The following ZCCHC4 variants were observed in gnomAD, a reference collection of about 807,000 sequenced individuals.
ZCCHC4 encodes the protein rRNA N(6)-adenosine-methyltransferase ZCCHC4.
ZCCHC4 carries 54 observed loss-of-function variants against 67.7 expected under a neutral mutation model. That is an observed-to-expected ratio of 0.80 (90% confidence interval 0.64 to 1.00). The LOEUF (loss-of-function observed/expected upper bound fraction) is 1.00. ZCCHC4 is among the 50% of genes least tolerant of loss of function. The pLI is 0.00. For synonymous variants in ZCCHC4, 198 were observed against 213.5 expected, an observed-to-expected ratio of 0.93 and a Z score of 0.63; for missense variants, 609 against 617.0, an observed-to-expected ratio of 0.99 and a Z score of 0.14.
chr4:25,331,090 T>G (rs1719159289), intron 3 of ZCCHC4, among the ~76,000 whole-genome samples: 1 of 152,200 alleles, frequency 6.6e-6, no homozygotes, highest in Admixed American at 6.5e-5. Flanking sequence ...GTTTCGGTTC[T>G]CCATCCCTGT....
At chr4:25,347,023 G>A (rs1720056720) in intron 6 of ZCCHC4, among the ~76,000 whole-genome samples, 1 of 152,176 alleles carries the variant, frequency 6.6e-6, no homozygotes, top group South Asian at 2.1e-4. Flanking sequence ...GGGAAGTGAA[G>A]TTTGGAAAGG....
chr4:25,333,236 G>A lies in ZCCHC4; in HGVS notation c.383G>A (p.Cys128Tyr). ...ACTCAGAGAAAGTTTTGTCAAACAT[G>A]TCAGCAGTTGTTGTTACCAGATGAC... ...PLTQRKFCQT[C>Y]QQLLLPDDWG... Residue 128 changes from cysteine to tyrosine, a missense_variant, in exon 4 of 13, where the codon TGT becomes TAT. Coordinates refer to ENST00000302874, the MANE Select transcript of ZCCHC4 (RefSeq NM_024936.3). 1 of 1,614,148 alleles carries A rather than the reference G, an allele frequency of 6.2e-7. No individual in the cohort carries two copies. Among genetic ancestry groups the A allele is most frequent in the Non-Finnish European group, 8.5e-7 (1 of 1,180,018 alleles).
chr4:25,320,429 A>G (rs1264348280), intron 3 of ZCCHC4, among the ~76,000 whole-genome samples: 3 of 152,240 alleles, frequency 2.0e-5, no homozygotes, highest in Non-Finnish European at 4.4e-5. Flanking sequence ...TGCCATAAAC[A>G]TAATTTGTGT....
chr4:25,350,393 T>C (rs1291224277), intron 7 of ZCCHC4, among the ~76,000 whole-genome samples: 2 of 151,394 alleles, frequency 1.3e-5, no homozygotes, highest in Non-Finnish European at 2.9e-5. Flanking sequence ...CCTGAGTAGC[T>C]GGGACTACAA....
chr4:25,315,495 A>G, intron 3 of ZCCHC4, 95 bp downstream of exon 3: 1 of 933,248 alleles, frequency 1.1e-6, no homozygotes, highest in Non-Finnish European at 1.6e-6. Flanking sequence ...TCATTTATTT[A>G]TTTTTATTGT....
At chr4:25,320,364 A>AT (rs1019119895) in intron 3 of ZCCHC4, among the ~76,000 whole-genome samples, 6 of 151,828 alleles carry the variant, frequency 4.0e-5, no homozygotes, top group Admixed American at 6.6e-5. Context: ...TCATTTGGTT[A>AT]TTTTTTTTCA....
rs754897774 is a variant in ZCCHC4, at chr4:25,365,081, C to G, written c.1321C>G (p.Pro441Ala). 30 of 1,614,030 alleles carry G rather than the reference C, an allele frequency of 1.9e-5. No homozygotes were observed. Among genetic ancestry groups the G allele is most frequent in the Non-Finnish European group, 2.5e-5 (29 of 1,180,022 alleles). The change falls in exon 12 of 13, where the codon CCC becomes GCC. Residue 441 changes from proline to alanine, a missense_variant. By Grantham distance (27) the Pro-to-Ala change is conservative (BLOSUM62 -1). Coordinates refer to ENST00000302874, the MANE Select transcript of ZCCHC4 (RefSeq NM_024936.3). ...CAVPDHSCEGPKHGCFICGEL... is the reference protein window; with the variant it reads ...CAVPDHSCEGAKHGCFICGEL... The stretch of plus-strand genomic sequence containing the variant: ...TGTTCCAGATCATTCTTGTGAGGGC[C>G]CCAAACATGGCTGCTTTATTTGTGG...
At chr4:25,343,490 C>T (rs1365184711) in intron 5 of ZCCHC4, among the ~76,000 whole-genome samples, 1 of 152,194 alleles carries the variant, frequency 6.6e-6, no homozygotes, top group Non-Finnish European at 1.5e-5. Context: ...AGTAACAGTA[C>T]TTAACATTTT....
chr4:25,319,678 G>C (rs938670416), intron 3 of ZCCHC4, among the ~76,000 whole-genome samples: 3 of 151,946 alleles, frequency 2.0e-5, no homozygotes, highest in Admixed American at 6.6e-5. Flanking sequence ...AAAATCAAAG[G>C]CATAATAAAT....
At chr4:25,358,861 A>T (rs1720615517) in intron 8 of ZCCHC4, among the ~76,000 whole-genome samples, 1 of 152,234 alleles carries the variant, frequency 6.6e-6, no homozygotes, top group Non-Finnish European at 1.5e-5. Flanking sequence ...AGGTTGGCTC[A>T]TGCCCGGGCT....
chr4:25,324,014 G>GTGTTTTTTTTTTTTT (rs1553895905), intron 3 of ZCCHC4, among the ~76,000 whole-genome samples: 1 of 82,446 alleles, frequency 1.2e-5, no homozygotes, highest in Non-Finnish European at 2.1e-5. Context: ...TGTTTTTTGT[G>GTGTTTTTTTTTTTTT]TTTTTTTTTT....
In ZCCHC4 at chr4:25,369,694, A is replaced by C. The variant is rs549579235; in HGVS notation, c.*530A>C. 1 of 153,060 alleles carries C rather than the reference A, an allele frequency of 6.5e-6. No individual in the cohort carries two copies. The highest frequency in any genetic ancestry group is 1.5e-5 in the Non-Finnish European group (1 of 68,726). The allele number at this position is 153,060 out of a possible 1,614,324, so 9.5% of individuals were successfully genotyped here. A position where few individuals can be genotyped will look rare whatever the true frequency, so the allele number is the denominator to read the frequency against. ...AGTGATTTGCCTGCCTTGGCCTCCCAAAGTGCTGGGATTACAGGCATGAGC... is the reference window on the plus strand; with the variant it reads ...AGTGATTTGCCTGCCTTGGCCTCCCCAAGTGCTGGGATTACAGGCATGAGC... On this transcript the variant is annotated 3_prime_UTR_variant, in exon 13 of 13. Coordinates refer to ENST00000302874, the MANE Select transcript of ZCCHC4 (RefSeq NM_024936.3).
At chr4:25,325,168 C>T (rs1718801695) in intron 3 of ZCCHC4, among the ~76,000 whole-genome samples, 2 of 111,856 alleles carry the variant, frequency 1.8e-5, no homozygotes, top group South Asian at 2.7e-4. Context: ...GCGTGAATCC[C>T]GGGAGGCGGA....
chr4:25,338,282 C>T (rs775128358), intron 5 of ZCCHC4, among the ~76,000 whole-genome samples: 9 of 152,126 alleles, frequency 5.9e-5, no homozygotes, highest in African/African-American at 2.2e-4. Context: ...CTTGTAGAGA[C>T]GGGGTTTCAC....
At chr4:25,332,624 T>G (rs1719243049) in intron 3 of ZCCHC4, among the ~76,000 whole-genome samples, 1 of 152,216 alleles carries the variant, frequency 6.6e-6, no homozygotes, top group African/African-American at 2.4e-5. Context: ...CAGTGTAGTC[T>G]TTTTTAAGGC....
chr4:25,328,004 T>G (rs556982266), intron 3 of ZCCHC4, among the ~76,000 whole-genome samples: 2 of 152,338 alleles, frequency 1.3e-5, no homozygotes, highest in South Asian at 4.1e-4. Context: ...TTGTTAATAA[T>G]TTTTGAGTTT....
intron 3 of ZCCHC4, among the ~76,000 whole-genome samples, chr4:25,328,272 C>G (rs1221204574): frequency 2.0e-5 from 3 of 152,110 alleles, no homozygotes; most frequent in Admixed American, 1.3e-4. Flanking sequence ...CGGAGTCTCA[C>G]TCTGTCTCCC....
intron 10 of ZCCHC4, 112 bp downstream of exon 10, chr4:25,362,413 G>A: frequency 3.4e-6 from 2 of 593,642 alleles, no homozygotes; most frequent in Non-Finnish European, 5.2e-6. Flanking sequence ...GTATTAATAT[G>A]TATTATCATT....
rs144386532 is a variant in ZCCHC4 at position 25,354,523 on chromosome 4, C to T, written c.1011+2834C>T. 3.3e-3 allele frequency among the ~76,000 whole-genome samples: 499 copies of T among 152,244 alleles called. 1 individual carries two copies. The highest frequency in any genetic ancestry group is 0.012 in the African/African-American group (480 of 41,546). On this transcript the variant is annotated intron_variant, in intron 8 of 12. Coordinates refer to ENST00000302874, the MANE Select transcript of ZCCHC4 (RefSeq NM_024936.3). ...CATGCTCATGTTGGAGAAACTGTGCCGTATCTCCTCATGTATTTATAAACA... is the reference window on the plus strand; with the variant it reads ...CATGCTCATGTTGGAGAAACTGTGCTGTATCTCCTCATGTATTTATAAACA...
Sources: gnomAD v4.1 joint callset for allele counts (sites outside exome capture counted in the v4.1 genomes callset) on GRCh38, gnomAD v4.1.1 for gene constraint, MANE v1.5 for transcripts, NCBI Gene and HGNC (gene_info 2026-07-23, HGNC 2026-07-21) for gene names.